The following FHIT variants were observed in gnomAD, a reference collection of about 807,000 sequenced individuals.
FHIT encodes the protein bis(5'-adenosyl)-triphosphatase.
In FHIT, 19 loss-of-function variants were observed where a neutral mutation model predicts 17.9. The observed-to-expected ratio is 1.06, with a 90% CI of 0.74 to 1.56. The LOEUF (loss-of-function observed/expected upper bound fraction) is 1.56. Ranked by LOEUF, FHIT falls within the 40% of genes most tolerant of loss-of-function variation. FHIT has a pLI of 0.00. For missense variants in FHIT, 248 were observed against 189.2 expected, an observed-to-expected ratio of 1.31 and a Z score of -1.82; for synonymous variants, 81 against 69.7, an observed-to-expected ratio of 1.16 and a Z score of -0.81.
intron 5 of FHIT, among the ~76,000 whole-genome samples, chr3:60,203,973 G>A (rs80229173): frequency 6.6e-6 from 1 of 152,088 alleles, no homozygotes; most frequent in African/African-American, 2.4e-5. Flanking sequence ...TGAATAGTTA[G>A]TGAGTATAAA....
chr3:60,860,536 G>T (rs1258063085), intron 3 of FHIT, among the ~76,000 whole-genome samples: 1 of 26,246 alleles, frequency 3.8e-5, no homozygotes, highest in Non-Finnish European at 1.1e-4. Flanking sequence ...TATATATCAG[G>T]TATATATGAT....
chr3:60,868,909 G>T (rs981928807), intron 3 of FHIT, among the ~76,000 whole-genome samples: 1 of 152,106 alleles, frequency 6.6e-6, no homozygotes, highest in Non-Finnish European at 1.5e-5. Context: ...GATAGCAGGC[G>T]AGTGGAAGAG....
chr3:60,305,227 A>G (rs1373773449), intron 5 of FHIT, among the ~76,000 whole-genome samples: 1 of 152,124 alleles, frequency 6.6e-6, no homozygotes, highest in Non-Finnish European at 1.5e-5. Context: ...AATAGGAAAC[A>G]CTGCTCTCCC....
At chr3:60,253,351 A>T (rs1471760502) in intron 5 of FHIT, among the ~76,000 whole-genome samples, 1 of 152,228 alleles carries the variant, frequency 6.6e-6, no homozygotes, top group Non-Finnish European at 1.5e-5. Flanking sequence ...GTTTCTAGTT[A>T]TTAAGAACAA....
At chr3:61,224,598 C>T (rs1469774950) in intron 1 of FHIT, among the ~76,000 whole-genome samples, 8 of 151,998 alleles carry the variant, frequency 5.3e-5, no homozygotes, top group Non-Finnish European at 7.4e-5. Context: ...TTAATAGAGA[C>T]GGGGTTTCAC....
chr3:60,105,973 A>C (rs964423098), intron 5 of FHIT, among the ~76,000 whole-genome samples: 3 of 152,198 alleles, frequency 2.0e-5, no homozygotes, highest in African/African-American at 7.2e-5. Flanking sequence ...ATTAAATGGA[A>C]AATCCCAGAA....
chr3:59,917,749 A>C (rs7616048), intron 8 of FHIT, among the ~76,000 whole-genome samples: 1,806 of 152,330 alleles, frequency 0.012, 29 homozygotes, highest in African/African-American at 0.04. Flanking sequence ...TGAAATGTCT[A>C]AGACATACTG....
rs188318507 is a variant in FHIT at position 60,874,423 on chromosome 3, A to C, written c.-110-52412T>G. On this transcript the variant is annotated intron_variant, in intron 3 of 9. Coordinates refer to ENST00000492590, the MANE Select transcript of FHIT (RefSeq NM_002012.4). ...TTCAAGAGCTCTGGGAACTCTCTGA[A>C]ACTGAATGTGGAATGGTATAACTAC... Among the ~76,000 whole-genome samples the C allele has an allele frequency of 3.1e-3, 479 of 152,268 alleles. 3 individuals are homozygous for C. Among genetic ancestry groups the C allele is most frequent in the African/African-American group, 0.011 (451 of 41,558 alleles).
rs78219913 is a variant in FHIT, at chr3:60,345,680, T to C, written c.103+191180A>G. Reference sequence around the variant, plus strand: ...GAAACACCATCTTTACCTTCCATTATGGACCTTTTAATAGGAACACAGTGC... The same window carrying C: ...GAAACACCATCTTTACCTTCCATTACGGACCTTTTAATAGGAACACAGTGC... On this transcript the variant is annotated intron_variant, in intron 5 of 9. Transcript: ENST00000492590. Among the ~76,000 whole-genome samples, 1,419 of 152,334 alleles carry C rather than the reference T, an allele frequency of 9.3e-3. 20 individuals carry two copies. Among genetic ancestry groups the C allele is most frequent in the African/African-American group, 0.033 (1,375 of 41,572 alleles).
At chr3:61,226,211 G>A (rs895779213) in intron 1 of FHIT, among the ~76,000 whole-genome samples, 11 of 152,110 alleles carry the variant, frequency 7.2e-5, no homozygotes, top group Non-Finnish European at 1.5e-4. Flanking sequence ...GTGGTAATGA[G>A]AAGCAAGGCA....
At chr3:60,660,727 C>CTTTTTTTTTTT (rs1220817643) in intron 4 of FHIT, among the ~76,000 whole-genome samples, 25 of 16,748 alleles carry the variant, frequency 1.5e-3, no homozygotes, top group African/African-American at 2.6e-3. Context: ...TTTTATTGTG[C>CTTTTTTTTTTT]TCTTTTTTTT....
rs550860382 is a variant in FHIT at position 60,286,492 on chromosome 3, C to T, written c.103+250368G>A. Among the ~76,000 whole-genome samples the T allele has an allele frequency of 1.1e-4, 17 of 152,240 alleles. No homozygotes were observed. In the South Asian group the frequency reaches 3.3e-3, roughly 30 times the overall value. On this transcript the variant is annotated intron_variant, in intron 5 of 9. Transcript: ENST00000492590. ...AAGAAGCACTTGTAGAGGACATTTT[C>T]AATATTAGTGCTATCAGTTAAGTAA...
At chr3:60,156,327 G>C (rs111724279) in intron 5 of FHIT, among the ~76,000 whole-genome samples, 15,556 of 150,588 alleles carry the variant, frequency 0.1, 920 homozygotes, top group African/African-American at 0.14. Context: ...TCCAGCCTGG[G>C]TGACAGAGTG....
chr3:60,248,680 T>A lies in FHIT; in HGVS notation c.104-234528A>T, dbSNP rs573357112. Among the ~76,000 whole-genome samples, 5 of 152,284 alleles carry A rather than the reference T, an allele frequency of 3.3e-5. No individual in the cohort carries two copies. In the South Asian group the frequency reaches 1.0e-3, roughly 32 times the overall value. ...AAAAAACATTAACAATTGTTCAACC[T>A]AAATGGTTAGTATTCAGGTTGAAGG... On this transcript the variant is annotated intron_variant, in intron 5 of 9. Transcript: ENST00000492590.
At chr3:60,587,274 TCTCA>T (rs2037937549) in intron 4 of FHIT, among the ~76,000 whole-genome samples, 1 of 151,994 alleles carries the variant, frequency 6.6e-6, no homozygotes, top group South Asian at 2.1e-4. Context: ...CACGACATGT[TCTCA>T]CTCATAAGTG....
chr3:60,941,006 C>T (rs1399642620), intron 3 of FHIT, among the ~76,000 whole-genome samples: 1 of 152,100 alleles, frequency 6.6e-6, no homozygotes, highest in Non-Finnish European at 1.5e-5. Flanking sequence ...TAAAAAGAAA[C>T]AGTTGAAATT....
intron 4 of FHIT, among the ~76,000 whole-genome samples, chr3:60,805,183 A>C (rs2106685346): frequency 6.6e-6 from 1 of 152,320 alleles, no homozygotes; most frequent in Non-Finnish European, 1.5e-5. Flanking sequence ...GTTGTATTTA[A>C]CTTGTCATCA....
At chr3:61,064,504 T>C (rs1438729151) in intron 2 of FHIT, among the ~76,000 whole-genome samples, 1 of 152,216 alleles carries the variant, frequency 6.6e-6, no homozygotes, top group Admixed American at 6.5e-5. Context: ...TTGTGATTTA[T>C]GGTACTATTA....
At chr3:61,217,175 T>G (rs1468601755) in intron 1 of FHIT, among the ~76,000 whole-genome samples, 2 of 151,934 alleles carry the variant, frequency 1.3e-5, no homozygotes, top group Non-Finnish European at 2.9e-5. Context: ...AAAATAAAAG[T>G]AAGAATTTAT....
Sources: gnomAD v4.1 joint callset for allele counts (sites outside exome capture counted in the v4.1 genomes callset) on GRCh38, gnomAD v4.1.1 for gene constraint, MANE v1.5 for transcripts, NCBI Gene and HGNC (gene_info 2026-07-23, HGNC 2026-07-21) for gene names.